The following KCNQ1 variants were observed in gnomAD, a reference collection of about 807,000 sequenced individuals.
KCNQ1 encodes the protein potassium voltage-gated channel subfamily KQT member 1.
Under a neutral mutation model 72.4 loss-of-function variants are expected in KCNQ1, and 49 were observed. That is an observed-to-expected ratio of 0.68 (90% CI 0.54 to 0.86). The LOEUF (loss-of-function observed/expected upper bound fraction) is 0.86. KCNQ1 is among the 40% of genes least tolerant of loss of function. The pLI is 0.00. For synonymous variants in KCNQ1, 450 were observed against 412.6 expected, an observed-to-expected ratio of 1.09 and a Z score of -1.10; for missense variants, 790 against 945.1, an observed-to-expected ratio of 0.84 and a Z score of 2.15.
In KCNQ1 at chr11:2,468,782, C is replaced by G. The variant is rs974032538; in HGVS notation, c.386+23298C>G. On this transcript the variant is annotated intron_variant, in intron 1 of 15. Coordinates refer to ENST00000155840, the MANE Select transcript of KCNQ1 (RefSeq NM_000218.3). The surrounding 1 kb of genome is among the most constrained non-coding windows in gnomAD (Gnocchi z 5.7). ...TTTGGGTAGAGCCTACTTTGCCGAT[C>G]CATGCACCTGTTGATGGACATGTGG... 3.3e-5 allele frequency among the ~76,000 whole-genome samples: 5 copies of G among 152,184 alleles called. No individual in the cohort carries two copies. Among genetic ancestry groups the G allele is most frequent in the Admixed American group, 3.3e-4 (5 of 15,274 alleles).
Position 2,669,679 on chromosome 11 carries a change from C to T in KCNQ1, c.1514+7598C>T, listed in dbSNP as rs958147589. 2.5e-6 allele frequency: 1 copy of T among 398,454 alleles called. No individual in the cohort carries two copies. Among genetic ancestry groups the T allele is most frequent in the African/African-American group, 2.1e-5 (1 of 48,610 alleles). 24.7% of individuals were successfully genotyped at this position (398,454 alleles called of 1,614,324 possible). A position where few individuals can be genotyped will look rare whatever the true frequency, so the allele number is the denominator to read the frequency against. ...ATATCTCACAGTATTAGTGTAAGGC[C>T]TTGAGGAGATGGTGTTAGGCATCCA... On this transcript the variant is annotated intron_variant, in intron 11 of 15. Transcript: ENST00000155840. This position sits in a 1 kb window ranked among gnomAD's most constrained non-coding sequence, Gnocchi z 5.6.
intron 11 of KCNQ1, among the ~76,000 whole-genome samples, chr11:2,760,097 G>T (rs1006262033): frequency 1.3e-5 from 2 of 152,180 alleles, no homozygotes; most frequent in Non-Finnish European, 2.9e-5. Flanking sequence ...TGAATGTGGC[G>T]CTGGCCCCTT....
intron 2 of KCNQ1, among the ~76,000 whole-genome samples, chr11:2,539,097 T>C (rs1477915833): frequency 6.6e-6 from 1 of 152,094 alleles, no homozygotes; most frequent in Non-Finnish European, 1.5e-5. Context: ...AGCCGAGGCA[T>C]GAGTGGATGA....
chr11:2,636,378 A>T (rs199961157), intron 10 of KCNQ1: 1 of 151,972 alleles, frequency 6.6e-6, no homozygotes, highest in South Asian at 2.1e-4. Flanking sequence ...TAATTTATTG[A>T]GAGTTTTTAG....
chr11:2,461,400 G>A (rs1317025398), intron 1 of KCNQ1: 12 of 1,268,308 alleles, frequency 9.5e-6, no homozygotes, highest in Non-Finnish European at 1.2e-5. Flanking sequence ...AGATAAGCCT[G>A]CTGACTGGGT....
intron 15 of KCNQ1, among the ~76,000 whole-genome samples, chr11:2,820,261 A>T (rs1847703316): frequency 6.6e-6 from 1 of 152,194 alleles, no homozygotes; most frequent in South Asian, 2.1e-4. Flanking sequence ...GCATGTAATC[A>T]GCTCCTTGTA....
Position 2,642,789 on chromosome 11 carries a change from G to C in KCNQ1, c.1394-19172G>C, listed in dbSNP as rs1849600417. 2.5e-6 allele frequency: 1 copy of C among 397,356 alleles called. No homozygotes were observed. Among genetic ancestry groups the C allele is most frequent in the South Asian group, 1.3e-4 (1 of 7,844 alleles). 24.6% of individuals were successfully genotyped at this position (397,356 alleles called of 1,614,324 possible). A position where few individuals can be genotyped will look rare whatever the true frequency, so the allele number is the denominator to read the frequency against. ...AAGATCTTTTCTACCTTTTTTAATG[G>C]AGGCATTTATTACAATAAACTTTCC... On this transcript the variant is annotated intron_variant, in intron 10 of 15. Coordinates refer to ENST00000155840, the MANE Select transcript of KCNQ1 (RefSeq NM_000218.3). This position sits in a 1 kb window ranked among gnomAD's most constrained non-coding sequence, Gnocchi z 4.3.
rs1017752781 is a variant in KCNQ1 at position 2,562,400 on chromosome 11, G to T, written c.478-8228G>T. ...GCCCTCCGGCCAGCTGACCCTCCCC[G>T]GAGCCGAGGCTGGCTCTCTCTGTGG... On this transcript the variant is annotated intron_variant, in intron 2 of 15. Coordinates refer to ENST00000155840, the MANE Select transcript of KCNQ1 (RefSeq NM_000218.3). This position sits in a 1 kb window ranked among gnomAD's most constrained non-coding sequence, Gnocchi z 7.5. Among the ~76,000 whole-genome samples, 2 of 152,160 alleles carry T rather than the reference G, an allele frequency of 1.3e-5. No individual in the cohort carries two copies. The highest frequency in any genetic ancestry group is 2.9e-5 in the Non-Finnish European group (2 of 68,008).
At chr11:2,655,837 C>T in intron 10 of KCNQ1, 1 of 398,686 alleles carries the variant, frequency 2.5e-6, no homozygotes, top group Non-Finnish European at 4.4e-6. Context: ...AGACAATAAC[C>T]TCTCCTCTTG....
chr11:2,830,723 G>A lies in KCNQ1; in HGVS notation c.1795-17044G>A, dbSNP rs974133182. On this transcript the variant is annotated intron_variant, in intron 15 of 15. Coordinates refer to ENST00000155840, the MANE Select transcript of KCNQ1 (RefSeq NM_000218.3). This position sits in a 1 kb window ranked among gnomAD's most constrained non-coding sequence, Gnocchi z 7.7. ...TCCCAGGAACCCCCACATCTCCGTG[G>A]CCCTCAGACCTCTGACCTCCCAAGG... Among the ~76,000 whole-genome samples the A allele has an allele frequency of 6.6e-5, 10 of 152,050 alleles. No homozygotes were observed. The highest frequency in any genetic ancestry group is 1.5e-4 in the Non-Finnish European group (10 of 67,990).
chr11:2,760,196 G>A (rs1031415070), intron 11 of KCNQ1, among the ~76,000 whole-genome samples: 36 of 152,302 alleles, frequency 2.4e-4, no homozygotes, highest in African/African-American at 7.9e-4. Context: ...CAGAAACAAC[G>A]GCTCCTTCAG....
At chr11:2,837,117 A>G (rs1848082202) in intron 15 of KCNQ1, among the ~76,000 whole-genome samples, 4 of 152,096 alleles carry the variant, frequency 2.6e-5, no homozygotes, top group Admixed American at 2.0e-4. Context: ...AGAGGCTCAC[A>G]TGGTGTGCGT....
In KCNQ1 at chr11:2,824,859, G is replaced by A. The variant is rs186755131; in HGVS notation, c.1795-22908G>A. On this transcript the variant is annotated intron_variant, in intron 15 of 15. Coordinates refer to ENST00000155840, the MANE Select transcript of KCNQ1 (RefSeq NM_000218.3). This position sits in a 1 kb window ranked among gnomAD's most constrained non-coding sequence, Gnocchi z 5.9. ...CCGCATCCATCCTGCCCCTGGCACC[G>A]GAGGGTACACTGATCAGGGACACGA... Among the ~76,000 whole-genome samples the A allele has an allele frequency of 2.9e-4, 44 of 152,330 alleles. No homozygotes were observed. The highest frequency in any genetic ancestry group is 5.0e-4 in the Non-Finnish European group (34 of 68,026).
At chr11:2,551,440 A>T (rs1847982434) in intron 2 of KCNQ1, among the ~76,000 whole-genome samples, 1 of 152,214 alleles carries the variant, frequency 6.6e-6, no homozygotes, top group Non-Finnish European at 1.5e-5. Flanking sequence ...TGCATTCAGC[A>T]GTTTGTCTCC....
At chr11:2,500,872 T>TGG (rs1450102739) in intron 1 of KCNQ1, among the ~76,000 whole-genome samples, 8 of 10,252 alleles carry the variant, frequency 7.8e-4, no homozygotes, top group East Asian at 6.5e-3. Context: ...CGGGGTCTGT[T>TGG]GGGGGGTGGG....
intron 11 of KCNQ1, chr11:2,694,397 A>G (rs952299637): frequency 2.5e-6 from 1 of 398,548 alleles, no homozygotes; most frequent in Non-Finnish European, 4.4e-6. Flanking sequence ...GAGAATTACT[A>G]ATATCAACTA....
chr11:2,540,736 C>G (rs891054973), intron 2 of KCNQ1, among the ~76,000 whole-genome samples: 4 of 152,200 alleles, frequency 2.6e-5, no homozygotes, highest in Non-Finnish European at 5.9e-5. Context: ...GGCCTCACAG[C>G]TTTGTGCCCT....
chr11:2,624,210 A>G lies in KCNQ1; in HGVS notation c.1393+35356A>G, dbSNP rs903610398. On this transcript the variant is annotated intron_variant, in intron 10 of 15. Coordinates refer to ENST00000155840, the MANE Select transcript of KCNQ1 (RefSeq NM_000218.3). The surrounding 1 kb of genome is among the most constrained non-coding windows in gnomAD (Gnocchi z 4.9). Reference sequence around the variant, plus strand: ...TTTCATATACTTAGTTGCCATCTGTATATCTTCATTGGTGAGATGTCTGTT... The same window carrying G: ...TTTCATATACTTAGTTGCCATCTGTGTATCTTCATTGGTGAGATGTCTGTT... 1.5e-5 allele frequency: 6 copies of G among 398,452 alleles called. No homozygotes were observed. The highest frequency in any genetic ancestry group is 1.1e-4 in the East Asian group (3 of 28,076). The allele number at this position is 398,452 out of a possible 1,614,324, so 24.7% of individuals were successfully genotyped here. A position where few individuals can be genotyped will look rare whatever the true frequency, so the allele number is the denominator to read the frequency against.
chr11:2,627,924 A>C lies in KCNQ1; in HGVS notation c.1394-34037A>C. Reference sequence around the variant, plus strand: ...CACCCCCATGCCCAGCTAATTTTTAAAATTTTATGTAGAGATAGGGTATCA... The same window carrying C: ...CACCCCCATGCCCAGCTAATTTTTACAATTTTATGTAGAGATAGGGTATCA... On this transcript the variant is annotated intron_variant, in intron 10 of 15. Transcript: ENST00000155840. This position sits in a 1 kb window ranked among gnomAD's most constrained non-coding sequence, Gnocchi z 4.9. 1 of 398,244 alleles carries C rather than the reference A, an allele frequency of 2.5e-6. No homozygotes were observed. Among genetic ancestry groups the C allele is most frequent in the Non-Finnish European group, 4.4e-6 (1 of 225,978 alleles). 24.7% of individuals were successfully genotyped at this position (398,244 alleles called of 1,614,324 possible). A position where few individuals can be genotyped will look rare whatever the true frequency, so the allele number is the denominator to read the frequency against.
Sources: allele counts gnomAD v4.1 joint callset (sites outside exome capture counted in the v4.1 genomes callset), GRCh38; gene constraint gnomAD v4.1.1; non-coding constraint Gnocchi (gnomAD v3.1); transcripts MANE v1.5; gene names NCBI Gene and HGNC (gene_info 2026-07-23, HGNC 2026-07-21).